The following TENM2 variants were observed in gnomAD, a reference collection of about 807,000 sequenced individuals.
TENM2 encodes the protein teneurin transmembrane protein 2.
TENM2 carries 52 observed loss-of-function variants against 245.2 expected under a neutral mutation model. The observed-to-expected ratio is 0.21, with a 90% CI of 0.17 to 0.27. TENM2 has a LOEUF of 0.27. TENM2 is among the 10% of genes least tolerant of loss of function. TENM2 has a pLI of 1.00. For missense variants in TENM2, 3,046 were observed against 3,666.8 expected (o/e 0.83, Z 4.37); for synonymous variants, 1,363 against 1,438.9 (o/e 0.95, Z 1.19).
chr5:167,837,761 C>A (rs1047073088), intron 2 of TENM2, among the ~76,000 whole-genome samples: 1 of 152,118 alleles, frequency 6.6e-6, no homozygotes, highest in African/African-American at 2.4e-5. Flanking sequence ...ACAATAGACT[C>A]CAACCACACA....
intron 22 of TENM2, among the ~76,000 whole-genome samples, chr5:168,217,225 T>C (rs1250105113): frequency 6.6e-6 from 1 of 152,202 alleles, no homozygotes; most frequent in African/African-American, 2.4e-5. Context: ...ACCTCCCTTC[T>C]CCATCATTAT....
the TENM2 span, among the ~76,000 whole-genome samples, chr5:167,035,979 G>A: frequency 2.0e-5 from 3 of 152,310 alleles, no homozygotes; most frequent in African/African-American, 7.2e-5. Context: ...CTGACCTCAG[G>A]TGATCCACCT....
the TENM2 span, among the ~76,000 whole-genome samples, chr5:167,238,009 C>CAAAAAAAA: frequency 3.4e-4 from 15 of 44,092 alleles, no homozygotes; most frequent in African/African-American, 5.2e-4. Flanking sequence ...GACTCTGTCT[C>CAAAAAAAA]AAAAAAAAAA....
intron 2 of TENM2, among the ~76,000 whole-genome samples, chr5:167,613,898 T>A (rs577761692): frequency 6.7e-6 from 1 of 148,528 alleles, no homozygotes; most frequent in Non-Finnish European, 1.5e-5. Flanking sequence ...AAATCTTATA[T>A]TTCTCTAAGT....
In TENM2 at chr5:167,391,647, A is replaced by AAAAT. The variant is rs70976420; in HGVS notation, c.502+16174_502+16175insAAAT. ...CAAAAAAAAAAAAAAAAAAAAAAAAAGCACTCTCAAGGATTTCTAACTTTA... is the reference window on the plus strand; with the variant it reads ...CAAAAAAAAAAAAAAAAAAAAAAAAAAAATGCACTCTCAAGGATTTCTAACTTTA... On this transcript the variant is annotated intron_variant, in intron 2 of 28. Coordinates refer to ENST00000518659, the Ensembl canonical transcript of TENM2. Among the ~76,000 whole-genome samples, 144 of 126,828 alleles carry AAAAT rather than the reference A, an allele frequency of 1.1e-3. 9 individuals are homozygous for AAAAT. The highest frequency in any genetic ancestry group is 1.2e-3 in the Non-Finnish European group (75 of 63,614). 83.2% of individuals were successfully genotyped at this position (126,828 alleles called of 152,430 possible).
the TENM2 span, among the ~76,000 whole-genome samples, chr5:167,133,406 G>A: frequency 2.0e-5 from 3 of 152,240 alleles, no homozygotes; most frequent in Middle Eastern, 3.4e-3. Flanking sequence ...TGCTTGGTTC[G>A]TCATATCTGA....
chr5:167,452,313 T>TTATG (rs1765633201), intron 2 of TENM2, among the ~76,000 whole-genome samples: 1 of 152,176 alleles, frequency 6.6e-6, no homozygotes, highest in South Asian at 2.1e-4. Flanking sequence ...GGAGGGTCTG[T>TTATG]TATGGCTCTC....
chr5:168,207,525 C>T (rs1450569509), intron 19 of TENM2, among the ~76,000 whole-genome samples: 2 of 152,162 alleles, frequency 1.3e-5, no homozygotes, highest in Non-Finnish European at 2.9e-5. Flanking sequence ...GTACCCAGAG[C>T]CGATTAGAAG....
chr5:167,022,709 A>G, the TENM2 span, among the ~76,000 whole-genome samples: 1 of 152,208 alleles, frequency 6.6e-6, no homozygotes, highest in Non-Finnish European at 1.5e-5. Context: ...AGGTGGCTGG[A>G]AATGCAGCTG....
the TENM2 span, among the ~76,000 whole-genome samples, chr5:167,270,064 A>G: frequency 1.3e-5 from 2 of 152,164 alleles, no homozygotes; most frequent in Non-Finnish European, 2.9e-5. Context: ...GGCCAAGTGC[A>G]TCTAATTTAA....
At chr5:168,135,559 G>A (rs576769405) in intron 12 of TENM2, among the ~76,000 whole-genome samples, 1 of 152,128 alleles carries the variant, frequency 6.6e-6, no homozygotes, top group East Asian at 1.9e-4. Context: ...TAACCACATC[G>A]TTGGCTATTA....
the TENM2 span, among the ~76,000 whole-genome samples, chr5:167,202,150 T>C: frequency 6.6e-6 from 1 of 152,268 alleles, no homozygotes; most frequent in East Asian, 1.9e-4. Context: ...CTCTGAACAA[T>C]TCTCTTAAAA....
chr5:167,606,897 C>A (rs963046921), intron 2 of TENM2, among the ~76,000 whole-genome samples: 1 of 152,168 alleles, frequency 6.6e-6, no homozygotes, highest in Admixed American at 6.5e-5. Context: ...AACCCACTTT[C>A]TTTCTTTGAT....
intron 5 of TENM2, among the ~76,000 whole-genome samples, chr5:168,015,682 G>A (rs1785592769): frequency 6.6e-6 from 1 of 152,158 alleles, no homozygotes; most frequent in Non-Finnish European, 1.5e-5. Context: ...CTTTTCTGTG[G>A]TGGGTGTTTC....
At chr5:167,908,744 AG>A (rs1279136342) in intron 3 of TENM2, among the ~76,000 whole-genome samples, 2 of 149,018 alleles carry the variant, frequency 1.3e-5, no homozygotes, top group Non-Finnish European at 3.0e-5. Context: ...CTCAGCATAT[AG>A]GTTCTCAACA....
intron 2 of TENM2, among the ~76,000 whole-genome samples, chr5:167,415,886 A>G (rs28478711): frequency 0.44 from 67,282 of 151,902 alleles, 15,379 homozygotes; most frequent in Admixed American, 0.5. Context: ...TTATTAGTTG[A>G]TTAAATTAGC....
intron 12 of TENM2, among the ~76,000 whole-genome samples, chr5:168,147,133 A>C (rs1199817559): frequency 6.6e-6 from 1 of 152,272 alleles, no homozygotes; most frequent in Non-Finnish European, 1.5e-5. Context: ...ATCAGAGTTC[A>C]CATTTCCACC....
intron 2 of TENM2, among the ~76,000 whole-genome samples, chr5:167,383,666 TA>T (rs1328581818): frequency 6.8e-6 from 1 of 146,214 alleles, no homozygotes; most frequent in Non-Finnish European, 1.5e-5. Flanking sequence ...GTCCTCTCGT[TA>T]AAACTAGTGA....
chr5:167,131,008 C>G, the TENM2 span, among the ~76,000 whole-genome samples: 1 of 150,322 alleles, frequency 6.7e-6, no homozygotes, highest in African/African-American at 2.5e-5. Flanking sequence ...TAACTGACAG[C>G]CTGTAATTAA....
Sources: allele counts gnomAD v4.1 joint callset (sites outside exome capture counted in the v4.1 genomes callset), GRCh38; gene constraint gnomAD v4.1.1; transcripts MANE v1.5; gene names NCBI Gene and HGNC (gene_info 2026-07-23, HGNC 2026-07-21).